The following AMOTL1 variants were observed in gnomAD, a reference collection of about 807,000 sequenced individuals.
AMOTL1 encodes the protein angiomotin-like protein 1.
A neutral mutation model predicts 102.9 loss-of-function variants in AMOTL1; 45 were observed. The observed-to-expected ratio is 0.44, with a 90% CI of 0.34 to 0.56. AMOTL1 has a LOEUF of 0.56. AMOTL1 is among the 20% of genes least tolerant of loss of function. The pLI is 0.01. For missense variants in AMOTL1, 1,114 were observed against 1,225.6 expected (o/e 0.91, Z 1.36); for synonymous variants, 481 against 484.7 (o/e 0.99, Z 0.10).
chr11:94,840,681 T>TATATACACAC (rs1166713705), intron 6 of AMOTL1, among the ~76,000 whole-genome samples: 9 of 104,786 alleles, frequency 8.6e-5, no homozygotes, highest in African/African-American at 2.8e-4. Context: ...TATATATATA[T>TATATACACAC]ACACACACAC....
At chr11:94,800,673 CTT>C (rs1951460713) in intron 3 of AMOTL1, among the ~76,000 whole-genome samples, 1 of 152,112 alleles carries the variant, frequency 6.6e-6, no homozygotes, top group Admixed American at 6.6e-5. Flanking sequence ...GTTTTATAGT[CTT>C]TTTTCATTGT....
chr11:94,847,172 T>G (rs2135702925), intron 6 of AMOTL1, among the ~76,000 whole-genome samples: 2 of 152,306 alleles, frequency 1.3e-5, no homozygotes, highest in Middle Eastern at 3.4e-3. Context: ...AGTCTCCACA[T>G]CTTTGTCTGT....
intron 6 of AMOTL1, among the ~76,000 whole-genome samples, chr11:94,843,945 C>T (rs371296532): frequency 5.3e-5 from 8 of 152,228 alleles, no homozygotes; most frequent in Middle Eastern, 3.4e-3. Context: ...GGCTCTGGCA[C>T]GGTACATAGA....
intron 11 of AMOTL1, among the ~76,000 whole-genome samples, chr11:94,867,996 T>TGA (rs1215125142): frequency 2.6e-5 from 4 of 152,110 alleles, no homozygotes; most frequent in Non-Finnish European, 4.4e-5. Flanking sequence ...CAGTATGAAG[T>TGA]GAGATGATGT....
intron 3 of AMOTL1, among the ~76,000 whole-genome samples, chr11:94,801,023 T>A (rs1353495454): frequency 6.6e-6 from 1 of 152,170 alleles, no homozygotes; most frequent in Admixed American, 6.5e-5. Flanking sequence ...CCCTATAGCA[T>A]TGTCTTGGAG....
At chr11:94,712,107 G>A (rs539804226) in intron 1 of AMOTL1, among the ~76,000 whole-genome samples, 42 of 152,026 alleles carry the variant, frequency 2.8e-4, no homozygotes, top group African/African-American at 9.4e-4. Context: ...CCAGAATTTG[G>A]TGTTATTACT....
intron 2 of AMOTL1, among the ~76,000 whole-genome samples, chr11:94,740,587 C>G (rs570976914): frequency 1.3e-5 from 2 of 151,180 alleles, no homozygotes; most frequent in African/African-American, 4.8e-5. Flanking sequence ...GCGCCAGGCC[C>G]GGCAGACAGA....
At chr11:94,763,721 A>T (rs1472698642), upstream of AMOTL1, among the ~76,000 whole-genome samples, 1 of 152,242 alleles carries the variant, frequency 6.6e-6, no homozygotes, top group Admixed American at 6.5e-5. Flanking sequence ...AGAGATGATC[A>T]TCATAAAAGT....
rs540604821 is a variant in AMOTL1, at chr11:94,708,841, T to A, written c.-51+2244T>A. On this transcript the variant is annotated intron_variant, in intron 1 of 4. Transcript: ENST00000299004. ...AAGCAATCTGTGATTGTAATGTGTG[T>A]AGTACTACCAATTGAGTACAGGAAA... 8.3e-4 allele frequency among the ~76,000 whole-genome samples: 126 copies of A among 152,288 alleles called. 1 individual carries two copies. The highest frequency in any genetic ancestry group is 6.3e-4 in the Non-Finnish European group (43 of 68,020).
intron 6 of AMOTL1, among the ~76,000 whole-genome samples, chr11:94,846,073 G>A (rs1046476279): frequency 4.6e-5 from 7 of 152,196 alleles, no homozygotes; most frequent in African/African-American, 7.2e-5. Context: ...ACTTCTTTGA[G>A]TGAGTCTGAT....
At chr11:94,845,666 C>T (rs1952396834) in intron 6 of AMOTL1, among the ~76,000 whole-genome samples, 1 of 152,198 alleles carries the variant, frequency 6.6e-6, no homozygotes, top group African/African-American at 2.4e-5. Flanking sequence ...AGTCATGTGT[C>T]CAAGGTGAGC....
At chr11:94,859,857 GT>G (rs1188900863) in intron 9 of AMOTL1, 142 bp downstream of exon 9, 1 of 888,984 alleles carries the variant, frequency 1.1e-6, no homozygotes, top group Non-Finnish European at 1.6e-6. Context: ...TACAGTGCTA[GT>G]TGGAGAGCAA....
At chr11:94,801,069 G>C (rs191881125) in intron 3 of AMOTL1, among the ~76,000 whole-genome samples, 12 of 152,292 alleles carry the variant, frequency 7.9e-5, no homozygotes, top group Admixed American at 7.2e-4. Flanking sequence ...GCCATTCAAT[G>C]TGCTGTTCTA....
chr11:94,788,136 G>C (rs1951222832), intron 1 of AMOTL1, among the ~76,000 whole-genome samples: 1 of 152,148 alleles, frequency 6.6e-6, no homozygotes, highest in Non-Finnish European at 1.5e-5. Flanking sequence ...GTTGGCTTCT[G>C]TAATGGAAGG....
At chr11:94,864,061 G>C (rs1952827754) in intron 9 of AMOTL1, among the ~76,000 whole-genome samples, 1 of 152,170 alleles carries the variant, frequency 6.6e-6, no homozygotes, top group Admixed American at 6.5e-5. Context: ...CTTCAGCTTG[G>C]AGCCTCACTC....
chr11:94,861,322 G>A (rs960039541), intron 9 of AMOTL1, among the ~76,000 whole-genome samples: 1 of 152,130 alleles, frequency 6.6e-6, no homozygotes, highest in Non-Finnish European at 1.5e-5. Flanking sequence ...TTACATAATT[G>A]AAATGGTTTT....
intron 2 of AMOTL1, among the ~76,000 whole-genome samples, chr11:94,730,269 C>T (rs1950326585): frequency 6.6e-6 from 1 of 152,204 alleles, no homozygotes; most frequent in African/African-American, 2.4e-5. Context: ...CTCCTTCTCA[C>T]TGTATCAGCC....
chr11:94,718,566 A>G (rs1412955667), intron 1 of AMOTL1, among the ~76,000 whole-genome samples: 3 of 151,970 alleles, frequency 2.0e-5, no homozygotes, highest in Non-Finnish European at 2.9e-5. Context: ...TGTTTCTTCA[A>G]ATAGTCACCG....
At chr11:94,856,077 G>T (rs199623071) in intron 8 of AMOTL1, among the ~76,000 whole-genome samples, 1 of 152,062 alleles carries the variant, frequency 6.6e-6, no homozygotes. Context: ...TGTTGTTGTT[G>T]TTTTAATGAG....
Sources: allele counts gnomAD v4.1 joint callset (sites outside exome capture counted in the v4.1 genomes callset), GRCh38; gene constraint gnomAD v4.1.1; transcripts MANE v1.5; gene names NCBI Gene and HGNC (gene_info 2026-07-23, HGNC 2026-07-21).